Variants in KAZN observed in about 807,000 individuals in gnomAD.
The protein encoded by KAZN is kazrin.
A neutral mutation model predicts 87.4 loss-of-function variants in KAZN; 40 were observed. That is an observed-to-expected ratio of 0.46 (90% CI 0.36 to 0.60). The LOEUF (loss-of-function observed/expected upper bound fraction) is 0.60, where lower values mean the gene tolerates loss of function less well. KAZN is among the 20% of genes least tolerant of loss of function. The pLI is 0.00. For synonymous variants in KAZN, 466 were observed against 458.3 expected, an observed-to-expected ratio of 1.02 and a Z score of -0.22; for missense variants, 898 against 1,073.9, an observed-to-expected ratio of 0.84 and a Z score of 2.29.
intron 8 of KAZN, among the ~76,000 whole-genome samples, chr1:15,072,025 A>T (rs1231626920): frequency 2.6e-5 from 4 of 152,006 alleles, no homozygotes; most frequent in African/African-American, 9.7e-5. Context: ...CATCCAGAGG[A>T]CCCTTGTAGC....
chr1:14,510,264 G>T (rs1336573082), intron 2 of KAZN, among the ~76,000 whole-genome samples: 1 of 152,020 alleles, frequency 6.6e-6, no homozygotes, highest in Non-Finnish European at 1.5e-5. Context: ...TGTAATCCCA[G>T]CTACTCGGGT....
chr1:14,924,853 C>T (rs566220108), intron 1 of KAZN, among the ~76,000 whole-genome samples: 16 of 152,116 alleles, frequency 1.1e-4, no homozygotes, highest in Non-Finnish European at 1.6e-4. Flanking sequence ...AGACCCAGCT[C>T]CGGGCTGGAC....
At chr1:14,288,940 C>A (rs1008211010) in intron 2 of KAZN, among the ~76,000 whole-genome samples, 4 of 152,164 alleles carry the variant, frequency 2.6e-5, no homozygotes, top group African/African-American at 9.7e-5. Flanking sequence ...TCGTTATGTA[C>A]CCAGTAGTCA....
chr1:14,412,116 G>C (rs116520466), intron 2 of KAZN, among the ~76,000 whole-genome samples: 1 of 152,138 alleles, frequency 6.6e-6, no homozygotes, highest in African/African-American at 2.4e-5. Context: ...TAGGAAAGAG[G>C]AGGAAAGTGT....
chr1:14,019,955 G>A (rs1446966574), intron 1 of KAZN, among the ~76,000 whole-genome samples: 1 of 151,960 alleles, frequency 6.6e-6, no homozygotes, highest in Non-Finnish European at 1.5e-5. Context: ...AATATATAAT[G>A]AAATAATCAT....
chr1:14,328,794 A>G (rs1217567492), intron 2 of KAZN, among the ~76,000 whole-genome samples: 1 of 147,320 alleles, frequency 6.8e-6, no homozygotes, highest in Non-Finnish European at 1.5e-5. Flanking sequence ...CTATGTACAC[A>G]TGGGTGGATC....
chr1:14,031,811 A>T (rs1641339594), intron 1 of KAZN, among the ~76,000 whole-genome samples: 1 of 152,198 alleles, frequency 6.6e-6, no homozygotes, highest in South Asian at 2.1e-4. Flanking sequence ...ACAGGTATTC[A>T]GTTTGCTTTC....
chr1:14,880,268 C>T (rs939204465), intron 1 of KAZN, among the ~76,000 whole-genome samples: 1 of 152,160 alleles, frequency 6.6e-6, no homozygotes. Flanking sequence ...CAATAACCCT[C>T]TGAGACAGTC....
At chr1:14,388,807 A>G in intron 2 of KAZN, among the ~76,000 whole-genome samples, 1 of 152,198 alleles carries the variant, frequency 6.6e-6, no homozygotes, top group East Asian at 1.9e-4. Context: ...TTCTTGAGTA[A>G]TATCCCACAA....
intron 2 of KAZN, among the ~76,000 whole-genome samples, chr1:15,018,089 C>T (rs911308418): frequency 2.0e-5 from 3 of 152,100 alleles, no homozygotes; most frequent in Admixed American, 6.6e-5. Flanking sequence ...TTCTGGGCCA[C>T]GCTTTCAGCT....
intron 1 of KAZN, among the ~76,000 whole-genome samples, chr1:14,801,573 C>T (rs1217417573): frequency 1.3e-5 from 2 of 152,158 alleles, no homozygotes; most frequent in African/African-American, 4.8e-5. Context: ...TTACCATGCC[C>T]TGGGCTTCCT....
chr1:15,013,095 C>G (rs548650080), intron 2 of KAZN, among the ~76,000 whole-genome samples: 2 of 152,274 alleles, frequency 1.3e-5, no homozygotes, highest in East Asian at 3.9e-4. Context: ...TCCCCAGACA[C>G]GCCAGGTTTC....
intron 1 of KAZN, among the ~76,000 whole-genome samples, chr1:14,681,417 G>A (rs908464786): frequency 1.3e-5 from 2 of 151,402 alleles, no homozygotes; most frequent in African/African-American, 4.9e-5. Context: ...TTGCCCGTGG[G>A]TGACTCATTG....
In KAZN at chr1:14,765,811, C is replaced by T. The variant is rs1185074813; in HGVS notation, c.226+166588C>T. On this transcript the variant is annotated intron_variant, in intron 1 of 14. Transcript: ENST00000376030. ...GGAGAACTGTGGTCTTGGTGGAACA[C>T]AGGAGTGGCTGCCGAAAGGAGGCAG... is the stretch of plus-strand genomic sequence containing the variant. Among the ~76,000 whole-genome samples, 31 of 152,184 alleles carry T rather than the reference C, an allele frequency of 2.0e-4. 1 individual carries two copies. The highest frequency in any genetic ancestry group is 2.0e-3 in the Admixed American group (31 of 15,284).
At chr1:14,397,584 C>T (rs1571519117) in intron 2 of KAZN, among the ~76,000 whole-genome samples, 1 of 152,040 alleles carries the variant, frequency 6.6e-6, no homozygotes, top group African/African-American at 2.4e-5. Context: ...GCGCTGGGGG[C>T]GGTGGTTCAT....
intron 2 of KAZN, among the ~76,000 whole-genome samples, chr1:14,558,138 C>T (rs1443835065): frequency 6.6e-6 from 1 of 152,188 alleles, no homozygotes; most frequent in African/African-American, 2.4e-5. Flanking sequence ...TGCCAGCCTC[C>T]CCTTCCTAAA....
At chr1:15,065,980 C>T in intron 8 of KAZN, 1 of 1,354,680 alleles carries the variant, frequency 7.4e-7, no homozygotes, top group Non-Finnish European at 9.5e-7. Flanking sequence ...AACCTCTCTC[C>T]CCTGCGTCGC....
chr1:14,716,434 C>T (rs1642798498), intron 1 of KAZN, among the ~76,000 whole-genome samples: 2 of 152,198 alleles, frequency 1.3e-5, no homozygotes, highest in African/African-American at 2.4e-5. Flanking sequence ...ATTTTCTTCC[C>T]CTTTCCAATC....
chr1:14,791,082 C>T (rs1429195674), intron 1 of KAZN, among the ~76,000 whole-genome samples: 1 of 152,194 alleles, frequency 6.6e-6, no homozygotes, highest in African/African-American at 2.4e-5. Context: ...CACTTCCTTG[C>T]TTGCTTACAT....
Sources: allele counts gnomAD v4.1 joint callset (sites outside exome capture counted in the v4.1 genomes callset), GRCh38; gene constraint gnomAD v4.1.1; transcripts MANE v1.5; gene names NCBI Gene and HGNC (gene_info 2026-07-23, HGNC 2026-07-21).